ERLEC1: variants seen among roughly 807,000 people sequenced by gnomAD.
ERLEC1 encodes the protein ER lectin.
A neutral mutation model predicts 68.0 loss-of-function variants in ERLEC1; 47 were observed. The observed-to-expected ratio is 0.69, with a 90% CI of 0.55 to 0.88. The LOEUF (loss-of-function observed/expected upper bound fraction) is 0.88, where lower values mean the gene tolerates loss of function less well. Ranked by LOEUF, ERLEC1 falls within the 40% of genes least tolerant of loss-of-function variation. The pLI is 0.00. For missense variants in ERLEC1, 567 were observed against 583.8 expected, an observed-to-expected ratio of 0.97 and a Z score of 0.30; for synonymous variants, 225 against 203.2, an observed-to-expected ratio of 1.11 and a Z score of -0.91.
chr2:53,796,894 T>C lies in ERLEC1; in HGVS notation c.349-621T>C, dbSNP rs543169661. On this transcript the variant is annotated intron_variant, in intron 3 of 13. Coordinates refer to ENST00000185150, the MANE Select transcript of ERLEC1 (RefSeq NM_015701.5). The stretch of plus-strand genomic sequence containing the variant: ...CAAAATAAAGTTTTCTTTTTCTTTT[T>C]TTTTTTTTTTTTTTTGAGACAGAGT... Among the ~76,000 whole-genome samples the C allele has an allele frequency of 7.6e-3, 1,083 of 143,134 alleles. 17 individuals carry two copies. The highest frequency in any genetic ancestry group is 0.028 in the African/African-American group (1,032 of 36,830). The allele number at this position is 143,134 out of a possible 152,430, so 93.9% of individuals were successfully genotyped here.
intron 10 of ERLEC1, among the ~76,000 whole-genome samples, chr2:53,812,707 G>A (rs1453944660): frequency 6.6e-6 from 1 of 152,054 alleles, no homozygotes; most frequent in South Asian, 2.1e-4. Context: ...TAGAAGAGCC[G>A]AAAATAACTA....
intron 11 of ERLEC1, among the ~76,000 whole-genome samples, chr2:53,814,040 T>A (rs1206485894): frequency 2.6e-5 from 4 of 152,216 alleles, no homozygotes; most frequent in Non-Finnish European, 5.9e-5. Context: ...GTACAATATA[T>A]GTTGAAGAAT....
intron 13 of ERLEC1, 60 bp downstream of exon 13, chr2:53,814,995 CTTTTTT>C (rs777632156): frequency 1.1e-4 from 51 of 469,956 alleles, no homozygotes; most frequent in East Asian, 3.4e-4. Flanking sequence ...ATTTTTTTTT[CTTTTTT>C]TTTTTTTTTT....
chr2:53,799,016 C>A, intron 5 of ERLEC1, 31 bp from the exon 6 acceptor site: 1 of 1,606,164 alleles, frequency 6.2e-7, no homozygotes, highest in Non-Finnish European at 8.5e-7. Flanking sequence ...TGTCACTGCT[C>A]ATTCTTTACA....
chr2:53,817,849 A>G (rs765762254), intron 13 of ERLEC1, 49 bp from the exon 14 acceptor site: 6 of 1,133,460 alleles, frequency 5.3e-6, no homozygotes, highest in East Asian at 2.3e-5. Flanking sequence ...ATAGTACTGA[A>G]AAGTATTCAG....
intron 1 of ERLEC1, among the ~76,000 whole-genome samples, chr2:53,792,011 A>G (rs1446741081): frequency 6.6e-6 from 1 of 150,906 alleles, no homozygotes; most frequent in Non-Finnish European, 1.5e-5. Context: ...TCCCGGGTTC[A>G]CGCCATTCAC....
At position 53,814,547 on chromosome 2, in the gene ERLEC1, G is replaced by C; in HGVS notation, c.1231G>C (p.Val411Leu). 3.1e-6 allele frequency: 5 copies of C among 1,609,032 alleles called. No homozygotes were observed. Among genetic ancestry groups the C allele is most frequent in the Non-Finnish European group, 3.4e-6 (4 of 1,176,822 alleles). The change falls in exon 12 of 14, where the codon GTG becomes CTG. Residue 411 changes from valine to leucine, a missense_variant. Coordinates refer to ENST00000185150, the MANE Select transcript of ERLEC1 (RefSeq NM_015701.5). ...QDDGTQTVRMVSHFYGNGDIC... is the reference protein window; with the variant it reads ...QDDGTQTVRMLSHFYGNGDIC... ...TTGTGTGTTTCTCTGATTCAGGATG[G>C]TGTCACATTTTTATGGAAATGGAGA...
At chr2:53,817,250 C>T (rs750609702) in intron 13 of ERLEC1, among the ~76,000 whole-genome samples, 17 of 152,058 alleles carry the variant, frequency 1.1e-4, no homozygotes, top group Non-Finnish European at 1.3e-4. Context: ...TCTCCTGCCT[C>T]AGCCTCCCCA....
At chr2:53,801,324 T>G in intron 6 of ERLEC1, 73 bp from the exon 7 acceptor site, 1 of 1,041,430 alleles carries the variant, frequency 9.6e-7, no homozygotes, top group South Asian at 1.5e-5. Flanking sequence ...TTCAGAATAA[T>G]AAGTTCCTCT....
At chr2:53,812,521 G>A (rs1430205918) in intron 10 of ERLEC1, among the ~76,000 whole-genome samples, 1 of 152,104 alleles carries the variant, frequency 6.6e-6, no homozygotes, top group Non-Finnish European at 1.5e-5. Flanking sequence ...AAGAGATAGA[G>A]GCCAAAGATG....
At chr2:53,797,370 A>AT (rs1675769040) in intron 3 of ERLEC1, 145 bp from the exon 4 acceptor site, 2 of 588,780 alleles carry the variant, frequency 3.4e-6, no homozygotes, top group Non-Finnish European at 2.9e-6. Context: ...GAAATTTCAC[A>AT]TTTTTTTGAG....
chr2:53,794,262 C>A, intron 1 of ERLEC1, 83 bp from the exon 2 acceptor site: 1 of 568,338 alleles, frequency 1.8e-6, no homozygotes, highest in Non-Finnish European at 3.1e-6. Context: ...TTTAAAGAAT[C>A]TTTTTTCCAG....
At chr2:53,796,235 C>G (rs1034564427) in intron 3 of ERLEC1, among the ~76,000 whole-genome samples, 7 of 144,226 alleles carry the variant, frequency 4.9e-5, no homozygotes, top group Admixed American at 2.8e-4. Context: ...AATATAGTAC[C>G]TGATGGGTTG....
In ERLEC1 at chr2:53,818,284, T is replaced by C. The variant is rs1229696046; in HGVS notation, c.*315T>C. 3 of 189,614 alleles carry C rather than the reference T, an allele frequency of 1.6e-5. No individual in the cohort carries two copies. The highest frequency in any genetic ancestry group is 3.3e-5 in the Non-Finnish European group (3 of 91,282). 11.7% of individuals were successfully genotyped at this position (189,614 alleles called of 1,614,324 possible). A position where few individuals can be genotyped will look rare whatever the true frequency, so the allele number is the denominator to read the frequency against. On this transcript the variant is annotated 3_prime_UTR_variant, in exon 14 of 14. Transcript: ENST00000185150. ...CCAGCCTAATCAAATGTCATAATTGTTGTACCTATTGAAAGTTTTTAAATA... is the reference window on the plus strand; with the variant it reads ...CCAGCCTAATCAAATGTCATAATTGCTGTACCTATTGAAAGTTTTTAAATA...
chr2:53,814,995 C>CTTTTTTTATTTTTTTTTTT (rs1676792143), intron 13 of ERLEC1, 60 bp downstream of exon 13: 1 of 430,046 alleles, frequency 2.3e-6, no homozygotes, highest in Non-Finnish European at 3.7e-6. Context: ...ATTTTTTTTT[C>CTTTTTTTATTTTTTTTTTT]TTTTTTTTTT....
At chr2:53,806,501 C>T (rs904968304) in intron 8 of ERLEC1, among the ~76,000 whole-genome samples, 9 of 152,204 alleles carry the variant, frequency 5.9e-5, no homozygotes, top group South Asian at 4.1e-4. Flanking sequence ...ATTTTTAATA[C>T]GCAGCACCTA....
intron 10 of ERLEC1, 107 bp downstream of exon 10, chr2:53,809,380 T>C: frequency 1.3e-6 from 1 of 792,122 alleles, no homozygotes; most frequent in Non-Finnish European, 1.9e-6. Context: ...ATGAGATGAT[T>C]TTAATATGAT....
chr2:53,809,884 C>T (rs1427722564), intron 10 of ERLEC1, among the ~76,000 whole-genome samples: 4 of 151,978 alleles, frequency 2.6e-5, no homozygotes, highest in African/African-American at 7.3e-5. Flanking sequence ...GGTGAAAACC[C>T]GTCTCTACTA....
At position 53,787,125 on chromosome 2, in the gene ERLEC1, GCCTCCTCCTCCACCT is replaced by G; in HGVS notation, c.-74_-60del. ...TACCCGGGCGCTTTATAGTCCCGCC[GCCTCCTCCTCCACCT>G]CCTCCTCCTCCTCCTCTCCTCCTGG... On this transcript the variant is annotated 5_prime_UTR_variant, in exon 1 of 14. Transcript: ENST00000185150. The G allele has an allele frequency of 7.6e-6, 5 of 661,226 alleles. No homozygotes were observed. Among genetic ancestry groups the G allele is most frequent in the Non-Finnish European group, 1.1e-5 (5 of 453,728 alleles). The allele number at this position is 661,226 out of a possible 1,614,324, so 41.0% of individuals were successfully genotyped here. A position where few individuals can be genotyped will look rare whatever the true frequency, so the allele number is the denominator to read the frequency against.
Sources: allele counts gnomAD v4.1 joint callset (sites outside exome capture counted in the v4.1 genomes callset), GRCh38; gene constraint gnomAD v4.1.1; transcripts MANE v1.5; gene names NCBI Gene and HGNC (gene_info 2026-07-23, HGNC 2026-07-21).